BRAF: variants seen among roughly 807,000 people sequenced by gnomAD.
The protein encoded by BRAF is B-Raf proto-oncogene, serine/threonine kinase, also known as serine/threonine-protein kinase B-raf.
Under a neutral mutation model 104.6 loss-of-function variants are expected in BRAF, and 16 were observed. That is an observed-to-expected ratio of 0.15 (90% CI 0.10 to 0.23). The LOEUF is 0.23. Among genes scored for constraint, BRAF ranks in the 10% least tolerant of loss-of-function variants. The pLI is 1.00. For missense variants in BRAF, 541 were observed against 937.3 expected (o/e 0.58, Z 5.52); for synonymous variants, 310 against 341.6 (o/e 0.91, Z 1.02).
intron 16 of BRAF, among the ~76,000 whole-genome samples, chr7:140,750,788 C>CT (rs57413482): frequency 1.1e-3 from 163 of 149,242 alleles, no homozygotes; most frequent in Non-Finnish European, 1.9e-3. Context: ...ATCAGATGAA[C>CT]TTTTTTTTTT....
chr7:140,808,129 A>C, intron 4 of BRAF, 67 bp from the exon 5 acceptor site: 1 of 1,274,300 alleles, frequency 7.8e-7, no homozygotes, highest in South Asian at 1.2e-5. Context: ...CCTCATGCTG[A>C]AGATATGAAA....
chr7:140,818,198 G>T (rs1562975260), intron 3 of BRAF, among the ~76,000 whole-genome samples: 1 of 151,984 alleles, frequency 6.6e-6, no homozygotes, highest in Non-Finnish European at 1.5e-5. Context: ...ACCTAAATTT[G>T]TACTTCTATG....
intron 3 of BRAF, among the ~76,000 whole-genome samples, chr7:140,833,422 A>G (rs1018331677): frequency 5.3e-5 from 8 of 152,216 alleles, no homozygotes; most frequent in Non-Finnish European, 1.0e-4. Context: ...GATGTTTGCC[A>G]GTTTTGTTAG....
intron 17 of BRAF, among the ~76,000 whole-genome samples, chr7:140,744,883 AAATT>A (rs1469589956): frequency 2.6e-5 from 4 of 152,162 alleles, no homozygotes; most frequent in Admixed American, 2.0e-4. Flanking sequence ...CAGAATTAAA[AAATT>A]AATAATCAGA....
intron 19 of BRAF, chr7:140,734,221 A>G: frequency 1.8e-6 from 2 of 1,136,450 alleles, no homozygotes; most frequent in Non-Finnish European, 2.2e-6. Context: ...AAACACAGGC[A>G]TAGGTAGGGT....
chr7:140,873,096 A>C (rs540351680), intron 1 of BRAF, among the ~76,000 whole-genome samples: 1 of 152,154 alleles, frequency 6.6e-6, no homozygotes, highest in African/African-American at 2.4e-5. Context: ...CAAAACCGTC[A>C]AAACAACCAT....
At chr7:140,772,720 T>C (rs1799974261) in intron 14 of BRAF, among the ~76,000 whole-genome samples, 1 of 152,204 alleles carries the variant, frequency 6.6e-6, no homozygotes, top group African/African-American at 2.4e-5. Context: ...ACTGATGCAA[T>C]CTGGTTATGT....
intron 1 of BRAF, among the ~76,000 whole-genome samples, chr7:140,910,311 C>T (rs1192898784): frequency 6.6e-6 from 1 of 152,194 alleles, no homozygotes; most frequent in East Asian, 1.9e-4. Flanking sequence ...TGTCTTCCTT[C>T]TACCTACCTA....
At chr7:140,784,560 T>C (rs1445061657) in intron 10 of BRAF, among the ~76,000 whole-genome samples, 1 of 152,188 alleles carries the variant, frequency 6.6e-6, no homozygotes, top group Non-Finnish European at 1.5e-5. Context: ...CATTACTACA[T>C]TCAGAATATA....
chr7:140,721,014 A>G lies in BRAF; in HGVS notation c.*5480T>C, dbSNP rs1795297194. 5.6e-6 allele frequency: 6 copies of G among 1,064,038 alleles called. No individual in the cohort carries two copies. The highest frequency in any genetic ancestry group is 1.1e-4 in the Admixed American group (2 of 18,688). 65.9% of individuals were successfully genotyped at this position (1,064,038 alleles called of 1,614,324 possible). A position where few individuals can be genotyped will look rare whatever the true frequency, so the allele number is the denominator to read the frequency against. On this transcript the variant is annotated 3_prime_UTR_variant, in exon 20 of 20. Coordinates refer to ENST00000644969, the MANE Select transcript of BRAF (RefSeq NM_001374258.1). ...AGATGGTTTGTACAAACATTTTTTG[A>G]TACTACCATGAATAAACATATTTTA...
intron 1 of BRAF, among the ~76,000 whole-genome samples, chr7:140,889,915 G>A (rs1049066162): frequency 3.3e-5 from 5 of 152,220 alleles, no homozygotes; most frequent in African/African-American, 4.8e-5. Flanking sequence ...GTGTCACAAT[G>A]TCTGGGTCCA....
intron 14 of BRAF, among the ~76,000 whole-genome samples, chr7:140,768,838 GA>G (rs1799575405): frequency 6.6e-6 from 1 of 151,904 alleles, no homozygotes; most frequent in Admixed American, 6.6e-5. Context: ...GGTTGCTATA[GA>G]GTGAGGCTGT....
chr7:140,893,146 G>T (rs1814456856), intron 1 of BRAF, among the ~76,000 whole-genome samples: 1 of 152,040 alleles, frequency 6.6e-6, no homozygotes, highest in Admixed American at 6.6e-5. Flanking sequence ...GTATTCCCAG[G>T]GTAGAGAACA....
At chr7:140,883,903 G>T (rs770564936) in intron 1 of BRAF, among the ~76,000 whole-genome samples, 3 of 152,150 alleles carry the variant, frequency 2.0e-5, no homozygotes, top group Non-Finnish European at 2.9e-5. Flanking sequence ...ATAATGGTAA[G>T]GTTTAGCAGG....
intron 14 of BRAF, among the ~76,000 whole-genome samples, chr7:140,771,985 T>A (rs1237708951): frequency 1.3e-5 from 2 of 151,990 alleles, no homozygotes; most frequent in Non-Finnish European, 2.9e-5. Context: ...GCCCTCAAGA[T>A]GAAACTATGG....
Position 140,879,876 on chromosome 7 carries a change from T to G in BRAF, c.139-29664A>C, listed in dbSNP as rs546641156. Among the ~76,000 whole-genome samples the G allele has an allele frequency of 3.3e-3, 498 of 151,954 alleles. 3 individuals are homozygous for G. The highest frequency in any genetic ancestry group is 0.011 in the African/African-American group (476 of 41,450). On this transcript the variant is annotated intron_variant, in intron 1 of 19. Transcript: ENST00000644969. ...CCTCCCAAGTAGCTGGGATTACAGG[T>G]GCGTGCCACCACGACTTGCTAAGTT... is the stretch of plus-strand genomic sequence containing the variant.
At chr7:140,812,308 C>G (rs1165241618) in intron 3 of BRAF, among the ~76,000 whole-genome samples, 1 of 152,002 alleles carries the variant, frequency 6.6e-6, no homozygotes, top group East Asian at 1.9e-4. Context: ...ACGCTGAGTT[C>G]ACTGAACTCA....
chr7:140,886,776 A>T (rs1414704218), intron 1 of BRAF, among the ~76,000 whole-genome samples: 1 of 152,168 alleles, frequency 6.6e-6, no homozygotes, highest in East Asian at 1.9e-4. Flanking sequence ...GTGTGTATGT[A>T]TGTATTTTTT....
intron 2 of BRAF, among the ~76,000 whole-genome samples, chr7:140,844,824 A>C (rs999251950): frequency 6.6e-6 from 1 of 152,036 alleles, no homozygotes; most frequent in African/African-American, 2.4e-5. Context: ...CAGGAGGCTG[A>C]GGCACGAGAA....
Sources: allele counts gnomAD v4.1 joint callset (sites outside exome capture counted in the v4.1 genomes callset), GRCh38; gene constraint gnomAD v4.1.1; transcripts MANE v1.5; gene names NCBI Gene and HGNC (gene_info 2026-07-23, HGNC 2026-07-21).